The following CSMD3 variants were observed in gnomAD, a reference collection of about 807,000 sequenced individuals.
CSMD3 encodes the protein CUB and sushi domain-containing protein 3.
A neutral mutation model predicts 435.2 loss-of-function variants in CSMD3; 177 were observed. That is an observed-to-expected ratio of 0.41 (90% CI 0.36 to 0.46). The LOEUF is 0.46. Ranked by LOEUF, CSMD3 falls within the 20% of genes least tolerant of loss-of-function variation. CSMD3 has a pLI of 0.34. For missense variants in CSMD3, 4,265 were observed against 4,504.6 expected (o/e 0.95, Z 1.52); for synonymous variants, 1,656 against 1,520.5 (o/e 1.09, Z -2.07).
intron 16 of CSMD3, among the ~76,000 whole-genome samples, chr8:112,679,565 T>C (rs1336017639): frequency 3.9e-5 from 6 of 152,170 alleles, no homozygotes; most frequent in Non-Finnish European, 8.8e-5. Flanking sequence ...TCTGAATATT[T>C]TATCTTACTT....
chr8:113,276,315 G>A (rs1330466986), intron 3 of CSMD3, among the ~76,000 whole-genome samples: 1 of 152,112 alleles, frequency 6.6e-6, no homozygotes, highest in Non-Finnish European at 1.5e-5. Context: ...TTTAAAAGCT[G>A]AGAAATTTCT....
At chr8:113,248,040 CA>C (rs1390667095) in intron 3 of CSMD3, among the ~76,000 whole-genome samples, 3 of 152,008 alleles carry the variant, frequency 2.0e-5, no homozygotes. Flanking sequence ...GAAGGGACCA[CA>C]CTGCATCTGA....
At chr8:112,594,900 C>T (rs1275221495) in intron 22 of CSMD3, among the ~76,000 whole-genome samples, 1 of 151,538 alleles carries the variant, frequency 6.6e-6, no homozygotes, top group African/African-American at 2.4e-5. Context: ...GTAGATAAAA[C>T]CACAAAGATG....
At chr8:113,124,581 G>T (rs199819263) in intron 4 of CSMD3, among the ~76,000 whole-genome samples, 1 of 151,702 alleles carries the variant, frequency 6.6e-6, no homozygotes, top group East Asian at 1.9e-4. Flanking sequence ...CTCCATAAAG[G>T]CTATTTTATT....
intron 28 of CSMD3, among the ~76,000 whole-genome samples, chr8:112,509,331 G>A (rs1190973227): frequency 6.6e-6 from 1 of 151,744 alleles, no homozygotes; most frequent in Non-Finnish European, 1.5e-5. Flanking sequence ...TCAAGTGATG[G>A]GCCCACCTCA....
chr8:112,836,551 A>G (rs999529349), intron 11 of CSMD3, among the ~76,000 whole-genome samples: 1 of 151,864 alleles, frequency 6.6e-6, no homozygotes, highest in African/African-American at 2.4e-5. Flanking sequence ...AGGCTTTTGC[A>G]AAATGATTTC....
chr8:112,917,563 C>T (rs1400238719), intron 10 of CSMD3, among the ~76,000 whole-genome samples: 2 of 151,864 alleles, frequency 1.3e-5, no homozygotes, highest in Non-Finnish European at 2.9e-5. Context: ...AAAGAGTTAA[C>T]AATCGGCAAC....
At chr8:112,373,100 T>A (rs1416637341) in intron 38 of CSMD3, among the ~76,000 whole-genome samples, 1 of 150,948 alleles carries the variant, frequency 6.6e-6, no homozygotes, top group East Asian at 1.9e-4. Flanking sequence ...AATTTCCATT[T>A]ACTAAGAAAG....
chr8:113,046,953 C>T (rs1019722132), intron 5 of CSMD3, among the ~76,000 whole-genome samples: 5 of 152,204 alleles, frequency 3.3e-5, no homozygotes, highest in Non-Finnish European at 7.3e-5. Flanking sequence ...TATTCTGCGT[C>T]TCTGTTCTAT....
At chr8:112,329,621 T>C (rs922348994) in intron 45 of CSMD3, among the ~76,000 whole-genome samples, 2 of 152,140 alleles carry the variant, frequency 1.3e-5, no homozygotes, top group Non-Finnish European at 2.9e-5. Context: ...GTTGTCTCAC[T>C]CATTATCATG....
At chr8:112,604,675 C>T (rs1832654251) in intron 22 of CSMD3, among the ~76,000 whole-genome samples, 2 of 152,182 alleles carry the variant, frequency 1.3e-5, no homozygotes, top group South Asian at 4.1e-4. Flanking sequence ...AAACCTAAAG[C>T]TATAAAAGTT....
At chr8:113,138,810 AGTGTGTGT>A (rs34755068) in intron 4 of CSMD3, among the ~76,000 whole-genome samples, 1 of 145,628 alleles carries the variant, frequency 6.9e-6, no homozygotes, top group African/African-American at 2.5e-5. Context: ...TAAACGTGTT[AGTGTGTGT>A]GTGTGTGTGT....
chr8:113,111,685 A>G lies in CSMD3; in HGVS notation c.710-12722T>C, dbSNP rs142938565. On this transcript the variant is annotated intron_variant, in intron 4 of 70. Coordinates refer to ENST00000297405, the MANE Select transcript of CSMD3 (RefSeq NM_198123.2). Reference sequence around the variant, plus strand: ...CGTTGCTCCTTTTATTTATGTATTTATTTATTTATTTTTTGAGAGGGAGTC... The same window carrying G: ...CGTTGCTCCTTTTATTTATGTATTTGTTTATTTATTTTTTGAGAGGGAGTC... Among the ~76,000 whole-genome samples, 697 of 151,934 alleles carry G rather than the reference A, an allele frequency of 4.6e-3. 5 individuals are homozygous for G. Among genetic ancestry groups the G allele is most frequent in the African/African-American group, 0.015 (612 of 41,454 alleles).
At chr8:112,807,002 G>A (rs981626816) in intron 12 of CSMD3, among the ~76,000 whole-genome samples, 2 of 152,170 alleles carry the variant, frequency 1.3e-5, no homozygotes, top group Non-Finnish European at 2.9e-5. Flanking sequence ...CCTCTGGCCA[G>A]ACCACCAGGT....
At chr8:112,736,435 G>A (rs558568327) in intron 13 of CSMD3, among the ~76,000 whole-genome samples, 16 of 152,110 alleles carry the variant, frequency 1.1e-4, no homozygotes, top group Non-Finnish European at 2.4e-4. Context: ...GCATGCAGCT[G>A]CTCACAATCT....
intron 18 of CSMD3, among the ~76,000 whole-genome samples, chr8:112,653,581 T>C (rs1364795900): frequency 6.6e-6 from 1 of 151,692 alleles, no homozygotes; most frequent in African/African-American, 2.4e-5. Context: ...ACTATAGAAA[T>C]AAAAATAAAT....
At chr8:113,271,980 T>C (rs1296582335) in intron 3 of CSMD3, among the ~76,000 whole-genome samples, 1 of 152,176 alleles carries the variant, frequency 6.6e-6, no homozygotes, top group Admixed American at 6.5e-5. Context: ...AACTTTCAAA[T>C]TTGACTGCCC....
chr8:112,831,861 G>A (rs894965206), intron 11 of CSMD3, among the ~76,000 whole-genome samples: 4 of 152,056 alleles, frequency 2.6e-5, no homozygotes, highest in Non-Finnish European at 4.4e-5. Context: ...GTTCCATAGA[G>A]GGAGTTAAAT....
intron 9 of CSMD3, among the ~76,000 whole-genome samples, chr8:112,931,710 G>A (rs1697311396): frequency 6.6e-6 from 1 of 152,022 alleles, no homozygotes; most frequent in African/African-American, 2.4e-5. Flanking sequence ...TGACAAGGGA[G>A]TAATATTCTG....
Sources: gnomAD v4.1 joint callset for allele counts (sites outside exome capture counted in the v4.1 genomes callset) on GRCh38, gnomAD v4.1.1 for gene constraint, MANE v1.5 for transcripts, NCBI Gene and HGNC (gene_info 2026-07-23, HGNC 2026-07-21) for gene names.